The following SEMA3C variants were observed in gnomAD, a reference collection of about 807,000 sequenced individuals.
SEMA3C encodes the protein semaphorin 3C, also known as semaphorin-3C.
Under a neutral mutation model 89.4 loss-of-function variants are expected in SEMA3C, and 47 were observed. That is an observed-to-expected ratio of 0.53 (90% CI 0.42 to 0.67). The LOEUF is 0.67. Among genes scored for constraint, SEMA3C ranks in the 30% least tolerant of loss-of-function variants. The pLI is 0.00. For synonymous variants in SEMA3C, 310 were observed against 320.2 expected, an observed-to-expected ratio of 0.97 and a Z score of 0.34; for missense variants, 839 against 929.1, an observed-to-expected ratio of 0.90 and a Z score of 1.26.
Position 80,746,718 on chromosome 7 carries a change from G to GGGGTGTGT in SEMA3C, c.1843-1412_1843-1411insACACACCC, listed in dbSNP as rs149678378. ...ATCACATGTACTGATATTGAAGTGG[G>GGGGTGTGT]GTGTGTGTGTGTGTGTGTGTGTGTG... On this transcript the variant is annotated intron_variant, in intron 17 of 17. Transcript: ENST00000265361. 8.6e-3 allele frequency among the ~76,000 whole-genome samples: 1,231 copies of GGGGTGTGT among 143,022 alleles called. 17 individuals are homozygous for GGGGTGTGT. Among genetic ancestry groups the GGGGTGTGT allele is most frequent in the African/African-American group, 0.03 (1,163 of 38,896 alleles). The allele number at this position is 143,022 out of a possible 152,430, so 93.8% of individuals were successfully genotyped here.
chr7:80,885,836 G>A (rs1791462464), intron 2 of SEMA3C, among the ~76,000 whole-genome samples: 1 of 152,174 alleles, frequency 6.6e-6, no homozygotes, highest in Admixed American at 6.5e-5. Context: ...AATACTGCAT[G>A]TACATATTTG....
chr7:80,794,703 C>A (rs1185840529), intron 11 of SEMA3C, among the ~76,000 whole-genome samples: 4 of 152,174 alleles, frequency 2.6e-5, no homozygotes, highest in Non-Finnish European at 5.9e-5. Context: ...ACAGGATATA[C>A]AACTATACAA....
At chr7:80,865,049 T>A (rs546489788) in intron 2 of SEMA3C, among the ~76,000 whole-genome samples, 67 of 152,324 alleles carry the variant, frequency 4.4e-4, no homozygotes, top group African/African-American at 1.6e-3. Context: ...TAAATGTTTT[T>A]ACTAACCAAT....
At chr7:80,758,251 A>T in intron 15 of SEMA3C, 80 bp downstream of exon 15, 3 of 1,446,482 alleles carry the variant, frequency 2.1e-6, no homozygotes, top group Non-Finnish European at 2.8e-6. Flanking sequence ...CAGCAATAGA[A>T]CTAATTCTAA....
intron 15 of SEMA3C, among the ~76,000 whole-genome samples, chr7:80,754,222 C>T (rs937368125): frequency 6.6e-6 from 1 of 152,128 alleles, no homozygotes; most frequent in African/African-American, 2.4e-5. Flanking sequence ...CAGGTGTGGG[C>T]CACTGCGCCC....
intron 2 of SEMA3C, among the ~76,000 whole-genome samples, chr7:80,843,390 GC>G (rs1331619367): frequency 6.6e-6 from 1 of 151,842 alleles, no homozygotes; most frequent in African/African-American, 2.4e-5. Context: ...GTTTTTTTTA[GC>G]TTAATGCATT....
chr7:80,802,055 T>C lies in SEMA3C; in HGVS notation c.916+610A>G, dbSNP rs993121019. 4.6e-5 allele frequency among the ~76,000 whole-genome samples: 7 copies of C among 152,242 alleles called. No individual in the cohort carries two copies. The South Asian group carries it at 1.2e-3, about 27-fold the overall frequency. Reference sequence around the variant, plus strand: ...ATTTACAAATGACATTTAGTAAATATGATGTGCCCTGGGATATTCAGATTA... The same window carrying C: ...ATTTACAAATGACATTTAGTAAATACGATGTGCCCTGGGATATTCAGATTA... On this transcript the variant is annotated intron_variant, in intron 9 of 17. Coordinates refer to ENST00000265361, the MANE Select transcript of SEMA3C (RefSeq NM_006379.5).
chr7:80,916,617 G>C (rs1369372587), intron 2 of SEMA3C, 62 bp downstream of exon 2: 9 of 1,461,432 alleles, frequency 6.2e-6, no homozygotes, highest in African/African-American at 2.8e-5. Context: ...TCTGAATCTG[G>C]ATAAGGAAGA....
At chr7:80,897,608 T>C (rs1791770667) in intron 2 of SEMA3C, among the ~76,000 whole-genome samples, 1 of 152,032 alleles carries the variant, frequency 6.6e-6, no homozygotes, top group Non-Finnish European at 1.5e-5. Flanking sequence ...AAATAAGAAT[T>C]AGAAAAACTG....
chr7:80,793,449 G>A (rs1405036852), intron 11 of SEMA3C: 1 of 447,994 alleles, frequency 2.2e-6, no homozygotes, highest in African/African-American at 2.0e-5. Flanking sequence ...GCCCAGTAGG[G>A]GACACAAGAA....
intron 12 of SEMA3C, among the ~76,000 whole-genome samples, chr7:80,777,286 ATTTTT>A (rs964415489): frequency 6.6e-6 from 1 of 151,758 alleles, no homozygotes; most frequent in African/African-American, 2.4e-5. Flanking sequence ...CTAATAAATT[ATTTTT>A]TATTTGGGGT....
intron 5 of SEMA3C, among the ~76,000 whole-genome samples, chr7:80,817,261 C>A (rs1394836517): frequency 4.3e-4 from 65 of 151,672 alleles, no homozygotes; most frequent in Non-Finnish European, 2.9e-5. Context: ...TGAAAAACAA[C>A]TTAAAAAAAC....
intron 2 of SEMA3C, among the ~76,000 whole-genome samples, chr7:80,900,190 T>G (rs111748941): frequency 0.027 from 4,037 of 152,166 alleles, 162 homozygotes; most frequent in African/African-American, 0.088. Flanking sequence ...CTCAGCTCAT[T>G]GCAAGCTCCA....
intron 4 of SEMA3C, among the ~76,000 whole-genome samples, chr7:80,826,073 C>CAGAGAT (rs1185382025): frequency 2.6e-5 from 4 of 152,196 alleles, no homozygotes; most frequent in African/African-American, 9.6e-5. Flanking sequence ...CTAGCAAGGC[C>CAGAGAT]AGAGATCCTA....
rs145577293 is a variant in SEMA3C, at chr7:80,852,257, ACTTGTAGCAGCTTCAAC to A, written c.104-23529_104-23513del. ...ATACACTGCTTTTCACATTACTGCT[ACTTGTAGCAGCTTCAAC>A]CCTGACCTTATTCATGTTACTAGTT... On this transcript the variant is annotated intron_variant, in intron 2 of 17. Coordinates refer to ENST00000265361, the MANE Select transcript of SEMA3C (RefSeq NM_006379.5). 6.6e-3 allele frequency among the ~76,000 whole-genome samples: 1,012 copies of A among 152,344 alleles called. 46 individuals are homozygous for A. The East Asian group carries it at 0.13, about 19-fold the overall frequency.
In SEMA3C at chr7:80,916,834, C is replaced by A. The variant is rs139811700; in HGVS notation, c.-38-15G>T. ...AGGGAAAATACCTTTAAGAGAGAGA[C>A]AACATGTTTGTTATATCTCATTTCA... On this transcript the variant is annotated splice_polypyrimidine_tract_variant and intron_variant, in intron 1 of 17. Transcript: ENST00000265361. 40,267 of 1,602,446 alleles carry A rather than the reference C, an allele frequency of 0.025. 627 individuals carry two copies. The highest frequency in any genetic ancestry group is 0.029 in the Non-Finnish European group (33,823 of 1,174,282).
chr7:80,780,073 C>T (rs557918612), intron 12 of SEMA3C, among the ~76,000 whole-genome samples: 1 of 152,162 alleles, frequency 6.6e-6, no homozygotes, highest in Admixed American at 6.5e-5. Flanking sequence ...GAGAGGCTAG[C>T]TAAGCAATCA....
chr7:80,818,648 AAAAAAT>A (rs1246561541), intron 4 of SEMA3C, among the ~76,000 whole-genome samples: 3 of 146,798 alleles, frequency 2.0e-5, no homozygotes, highest in Middle Eastern at 3.5e-3. Flanking sequence ...TGATGAGCTA[AAAAAAT>A]AAAAATAAAA....
chr7:80,752,884 G>T (rs1787969227), intron 15 of SEMA3C, among the ~76,000 whole-genome samples: 2 of 152,112 alleles, frequency 1.3e-5, no homozygotes, highest in Non-Finnish European at 2.9e-5. Context: ...ATACTCGAGT[G>T]AGCATATCAC....
Sources: allele counts gnomAD v4.1 joint callset (sites outside exome capture counted in the v4.1 genomes callset), GRCh38; gene constraint gnomAD v4.1.1; transcripts MANE v1.5; gene names NCBI Gene and HGNC (gene_info 2026-07-23, HGNC 2026-07-21).